The following BICC1 variants were observed in gnomAD, a reference collection of about 807,000 sequenced individuals.
BICC1 encodes the protein protein bicaudal C homolog 1.
A neutral mutation model predicts 111.0 loss-of-function variants in BICC1; 43 were observed. The observed-to-expected ratio is 0.39, with a 90% CI of 0.30 to 0.50. BICC1 has a LOEUF of 0.50. Ranked by LOEUF, BICC1 falls within the 20% of genes least tolerant of loss-of-function variation. The pLI is 0.88. For synonymous variants in BICC1, 467 were observed against 434.4 expected, an observed-to-expected ratio of 1.07 and a Z score of -0.93; for missense variants, 1,091 against 1,203.2, an observed-to-expected ratio of 0.91 and a Z score of 1.38.
chr10:58,592,903 A>G (rs1430414621), intron 1 of BICC1, among the ~76,000 whole-genome samples: 115 of 132,162 alleles, frequency 8.7e-4, no homozygotes, highest in African/African-American at 3.1e-3. Flanking sequence ...AAAAAAAAAA[A>G]TCCTCTGCAT....
intron 1 of BICC1, among the ~76,000 whole-genome samples, chr10:58,566,321 T>C (rs1843762320): frequency 6.6e-6 from 1 of 152,012 alleles, no homozygotes; most frequent in Non-Finnish European, 1.5e-5. Flanking sequence ...TGTGTATATA[T>C]ATATTCAATT....
intron 20 of BICC1, among the ~76,000 whole-genome samples, chr10:58,826,733 T>C (rs760540873): frequency 9.2e-5 from 14 of 152,188 alleles, no homozygotes; most frequent in Non-Finnish European, 1.9e-4. Context: ...CACTCCAGCC[T>C]GGGCTATAGA....
chr10:58,512,853 CG>C (rs1842126226), upstream of BICC1, among the ~76,000 whole-genome samples: 5 of 148,562 alleles, frequency 3.4e-5, no homozygotes, highest in Admixed American at 3.3e-4. Context: ...GATGGAGGCG[CG>C]GGCAGCGCGG....
At chr10:58,748,685 T>C (rs7086705) in intron 3 of BICC1, among the ~76,000 whole-genome samples, 91,777 of 151,978 alleles carry the variant, frequency 0.6, 29,242 homozygotes, top group East Asian at 0.89. Flanking sequence ...TTAACTTCTC[T>C]GGAGCATGTA....
chr10:58,763,613 C>T (rs1842379155), intron 3 of BICC1, among the ~76,000 whole-genome samples: 1 of 152,038 alleles, frequency 6.6e-6, no homozygotes, highest in African/African-American at 2.4e-5. Context: ...TATTAAAGGA[C>T]AAGATCACAT....
chr10:58,641,095 C>T (rs1838108742), intron 2 of BICC1, among the ~76,000 whole-genome samples: 1 of 152,174 alleles, frequency 6.6e-6, no homozygotes, highest in African/African-American at 2.4e-5. Flanking sequence ...TTCCTTAGAG[C>T]TGAGCCTCAG....
intron 1 of BICC1, among the ~76,000 whole-genome samples, chr10:58,548,039 T>C (rs1473862355): frequency 6.6e-6 from 1 of 152,206 alleles, no homozygotes; most frequent in South Asian, 2.1e-4. Flanking sequence ...CAAGGAAATA[T>C]GTTGTGTATA....
chr10:58,678,537 G>T (rs1431750730), intron 2 of BICC1, among the ~76,000 whole-genome samples: 1 of 152,098 alleles, frequency 6.6e-6, no homozygotes, highest in Admixed American at 6.5e-5. Flanking sequence ...GATTCATAAA[G>T]CAAGTTCTTC....
In BICC1 at chr10:58,807,024, G is replaced by A. The variant is rs1589158450; in HGVS notation, c.2242G>A (p.Val748Met). 2 of 1,613,258 alleles carry A rather than the reference G, an allele frequency of 1.2e-6. No individual in the cohort carries two copies. The highest frequency in any genetic ancestry group is 2.2e-5 in the East Asian group (1 of 44,832). Residue 748 changes from valine (V) to methionine (M), a missense_variant, in exon 17 of 21, where the codon GTG becomes ATG. Val to Met is a conservative substitution (Grantham distance 21). Coordinates refer to ENST00000373886, the MANE Select transcript of BICC1 (RefSeq NM_001080512.3). ...CAAAGCTATGTTAAAGAAACCAGTG[G>A]TGACGGAGGTCAGAACGCCCACAAA... ...ATKAMLKKPV[V>M]TEVRTPTNTW... is the part of the protein sequence containing the mutation.
At chr10:58,610,770 C>A (rs754838999) in intron 1 of BICC1, among the ~76,000 whole-genome samples, 2 of 151,810 alleles carry the variant, frequency 1.3e-5, no homozygotes, top group Admixed American at 6.6e-5. Context: ...TTTCTTTTTG[C>A]GGTTCACACA....
intron 1 of BICC1, among the ~76,000 whole-genome samples, chr10:58,526,872 G>A (rs911766757): frequency 6.6e-6 from 1 of 152,154 alleles, no homozygotes; most frequent in Non-Finnish European, 1.5e-5. Context: ...ATTGTGAATA[G>A]TGCCACAATA....
intron 2 of BICC1, among the ~76,000 whole-genome samples, chr10:58,678,753 A>C (rs1261616332): frequency 6.6e-6 from 1 of 152,160 alleles, no homozygotes; most frequent in Non-Finnish European, 1.5e-5. Context: ...GCAGCACATC[A>C]CACTTATTCT....
chr10:58,518,094 C>G (rs900812435), intron 1 of BICC1, among the ~76,000 whole-genome samples: 1 of 152,106 alleles, frequency 6.6e-6, no homozygotes, highest in Non-Finnish European at 1.5e-5. Flanking sequence ...GTGTGGAGTT[C>G]TAGATTTTGC....
intron 1 of BICC1, among the ~76,000 whole-genome samples, chr10:58,595,489 A>G (rs1189669306): frequency 6.6e-6 from 1 of 152,232 alleles, no homozygotes; most frequent in African/African-American, 2.4e-5. Flanking sequence ...AGCAAATGCA[A>G]AAGAATGGAA....
At chr10:58,826,654 G>C (rs1294347342) in intron 20 of BICC1, among the ~76,000 whole-genome samples, 1 of 114,410 alleles carries the variant, frequency 8.7e-6, no homozygotes, top group African/African-American at 3.2e-5. Flanking sequence ...AGCTACTCGG[G>C]AGGCTGAGGC....
chr10:58,749,161 A>G (rs1236721193), intron 3 of BICC1, among the ~76,000 whole-genome samples: 1 of 152,106 alleles, frequency 6.6e-6, no homozygotes. Context: ...GGCAGAGACT[A>G]TTGTTCATGA....
chr10:58,685,262 C>T lies in BICC1; in HGVS notation c.238-16812C>T, dbSNP rs1056964060. 3.3e-5 allele frequency among the ~76,000 whole-genome samples: 5 copies of T among 152,142 alleles called. No homozygotes were observed. The East Asian group carries it at 7.7e-4, about 23-fold the overall frequency. ...GTTTGTTATAATTTCTGTTCTTTTA[C>T]ATTTGCTGAGGAGTGCTTTACTTCC... is the stretch of plus-strand genomic sequence containing the variant. On this transcript the variant is annotated intron_variant, in intron 2 of 20. Coordinates refer to ENST00000373886, the MANE Select transcript of BICC1 (RefSeq NM_001080512.3).
intron 3 of BICC1, among the ~76,000 whole-genome samples, chr10:58,721,230 C>T (rs190299510): frequency 7.7e-4 from 118 of 152,294 alleles, no homozygotes; most frequent in Admixed American, 2.0e-3. Flanking sequence ...ATACCACCCC[C>T]TTCCATGGTT....
chr10:58,707,889 G>T (rs1840438482), intron 3 of BICC1, among the ~76,000 whole-genome samples: 1 of 152,098 alleles, frequency 6.6e-6, no homozygotes, highest in African/African-American at 2.4e-5. Flanking sequence ...TAGAGACAGT[G>T]TTTCTCCATG....
Sources: allele counts gnomAD v4.1 joint callset (sites outside exome capture counted in the v4.1 genomes callset), GRCh38; gene constraint gnomAD v4.1.1; transcripts MANE v1.5; gene names NCBI Gene and HGNC (gene_info 2026-07-23, HGNC 2026-07-21).